The following KDM3B variants were observed in gnomAD, a reference collection of about 807,000 sequenced individuals.
KDM3B encodes lysine demethylase 3B, also known as lysine-specific demethylase 3B.
A neutral mutation model predicts 170.0 loss-of-function variants in KDM3B; 10 were observed. That is an observed-to-expected ratio of 0.06 (90% CI 0.04 to 0.10). KDM3B has a LOEUF of 0.10. Among genes scored for constraint, KDM3B ranks in the 10% least tolerant of loss-of-function variants. KDM3B has a pLI of 1.00. For missense variants in KDM3B, 1,394 were observed against 2,195.2 expected, an observed-to-expected ratio of 0.64 and a Z score of 7.29; for synonymous variants, 831 against 834.8, an observed-to-expected ratio of 1.00 and a Z score of 0.08.
rs1426505639 is a variant in KDM3B, at chr5:138,372,835, A to C, written c.354A>C (p.Pro118=). Residue 118 remains proline, a synonymous_variant, in exon 2 of 24, where the codon CCA becomes CCC. Transcript: ENST00000314358. ...TTCGAGTCTCCATTGCACAATGGCC[A>C]GCCCTGGTGAGTGGCTTTTACTGGG... ...QGIRVSIAQW[P]ALTFTPLVDK... The C allele has an allele frequency of 1.2e-6, 2 of 1,612,340 alleles. No individual in the cohort carries two copies.
chr5:138,382,955 T>G (rs1434551361), intron 6 of KDM3B, among the ~76,000 whole-genome samples: 1 of 152,164 alleles, frequency 6.6e-6, no homozygotes. Context: ...TGCCAGGTAC[T>G]GTTCAGCTGG....
At chr5:138,361,962 T>A (rs1204289814) in intron 1 of KDM3B, among the ~76,000 whole-genome samples, 1 of 152,098 alleles carries the variant, frequency 6.6e-6, no homozygotes, top group Non-Finnish European at 1.5e-5. Flanking sequence ...TGAAGGCACT[T>A]GGGGAGCAGC....
chr5:138,367,214 G>T (rs1350989843), intron 1 of KDM3B, among the ~76,000 whole-genome samples: 1 of 152,074 alleles, frequency 6.6e-6, no homozygotes, highest in Admixed American at 6.6e-5. Flanking sequence ...TCTCTGTTGG[G>T]CTCATCTAGG....
chr5:138,416,387 C>T (rs907988143), intron 12 of KDM3B, among the ~76,000 whole-genome samples: 1 of 151,628 alleles, frequency 6.6e-6, no homozygotes, highest in Non-Finnish European at 1.5e-5. Flanking sequence ...GTCAGGAGTT[C>T]GAGACCAGCC....
intron 9 of KDM3B, 93 bp downstream of exon 9, chr5:138,393,465 C>T: frequency 9.1e-7 from 1 of 1,102,970 alleles, no homozygotes; most frequent in Non-Finnish European, 1.3e-6. Flanking sequence ...GTTTCATCAT[C>T]TTGGTCTTTG....
At position 138,391,904 on chromosome 5, in the gene KDM3B, G is replaced by A; in HGVS notation, c.2272G>A (p.Asp758Asn). 2 of 1,613,696 alleles carry A rather than the reference G, an allele frequency of 1.2e-6. No homozygotes were observed. The highest frequency in any genetic ancestry group is 1.7e-6 in the Non-Finnish European group (2 of 1,179,670). Residue 758 changes from aspartate to asparagine, a missense_variant, in exon 8 of 24, where the codon GAC (aspartate) becomes AAC (asparagine). Transcript: ENST00000314358. The surrounding 1 kb of genome is among the most constrained non-coding windows in gnomAD (Gnocchi z 5.0). ...GCCAACTGTGGGGCCTGGGCAGCAG[G>A]ACAATCCCCTCCTCAAAACCTTTAG... is the stretch of plus-strand genomic sequence containing the variant. The part of the protein sequence containing the change: ...ERPTVGPGQQ[D>N]NPLLKTFSNV...
intron 23 of KDM3B, 38 bp downstream of exon 23, chr5:138,431,597 A>G: frequency 6.5e-7 from 1 of 1,547,516 alleles, no homozygotes; most frequent in Non-Finnish European, 8.7e-7. Flanking sequence ...CTGTCTTCTC[A>G]TTGCATACTC....
Position 138,386,491 on chromosome 5 carries a change from T to C in KDM3B, c.1250T>C (p.Ile417Thr). 2 of 1,614,120 alleles carry C rather than the reference T, an allele frequency of 1.2e-6. No homozygotes were observed. The highest frequency in any genetic ancestry group is 2.2e-5 in the East Asian group (1 of 44,884). The change falls in exon 7 of 24, where the codon ATA (isoleucine) becomes ACA (threonine). Residue 417 changes from isoleucine to threonine, a missense_variant. Coordinates refer to ENST00000314358, the MANE Select transcript of KDM3B (RefSeq NM_016604.4). ...GKTLEQVGQG[I>T]VASAAVVTTA... ...ACACTGGAACAAGTTGGCCAGGGCA[T>C]AGTGGCTTCCGCAGCTGTGGTCACT...
At chr5:138,421,882 G>C (rs12514669) in intron 15 of KDM3B, among the ~76,000 whole-genome samples, 45,297 of 151,864 alleles carry the variant, frequency 0.3, 7,580 homozygotes, top group East Asian at 0.57. Flanking sequence ...TGTTCATCTT[G>C]CTCTCACCTC....
In KDM3B at chr5:138,399,975, T is replaced by A; in HGVS notation, c.3162T>A (p.Leu1054=). The change falls in exon 11 of 24, where the codon CTT becomes CTA. Residue 1054 remains leucine (L), a synonymous_variant. Coordinates refer to ENST00000314358, the MANE Select transcript of KDM3B (RefSeq NM_016604.4). ...VCRKCGFGVC[L]DCYRLRKSRP... is the part of the protein sequence containing the mutation. ...GCAAATGTGGATTTGGGGTCTGCCT[T>A]GACTGTTACCGGCTCAGGAAAAGCC... 3 of 1,614,198 alleles carry A rather than the reference T, an allele frequency of 1.9e-6. No homozygotes were observed. The highest frequency in any genetic ancestry group is 2.5e-6 in the Non-Finnish European group (3 of 1,180,026).
chr5:138,399,072 T>C (rs1762615916), intron 10 of KDM3B, among the ~76,000 whole-genome samples: 1 of 151,210 alleles, frequency 6.6e-6, no homozygotes. Flanking sequence ...GTGTTTTTAG[T>C]AGGGACAGCG....
rs372581712 is a variant in KDM3B, at chr5:138,418,960, G to A, written c.3443G>A (p.Ser1148Asn). ...TGGCCTTCTGCATTTTAGCTTCCTA[G>A]CATAAACCCTAGTGCCTCTTCTGGA... Reference protein sequence around the residue: ...AVTNGMSQLPSINPSASSGNE... With the variant: ...AVTNGMSQLPNINPSASSGNE... Residue 1148 changes from serine (S) to asparagine (N), a missense_variant, in exon 14 of 24, where the codon AGC becomes AAC. Physicochemically the swap from Ser to Asn is conservative, Grantham distance 46. Around this residue, in one of 19 missense-constraint regions of KDM3B, gnomAD observed 14 missense variants for 32.5 expected, o/e 0.43. Transcript: ENST00000314358. The A allele has an allele frequency of 1.2e-4, 197 of 1,613,752 alleles. No individual in the cohort carries two copies. Among genetic ancestry groups the A allele is most frequent in the Non-Finnish European group, 1.6e-4 (186 of 1,179,826 alleles).
chr5:138,354,394 A>G (rs1190692012), intron 1 of KDM3B, among the ~76,000 whole-genome samples: 1 of 152,224 alleles, frequency 6.6e-6, no homozygotes, highest in South Asian at 2.1e-4. Context: ...GGATGGGAAA[A>G]GAAGTGTCCA....
At chr5:138,414,252 G>A (rs986803759) in intron 11 of KDM3B, among the ~76,000 whole-genome samples, 4 of 152,192 alleles carry the variant, frequency 2.6e-5, no homozygotes, top group South Asian at 2.1e-4. Context: ...TGCAAGCTCC[G>A]CCTCCTGGGT....
intron 1 of KDM3B, among the ~76,000 whole-genome samples, chr5:138,364,512 T>G (rs1157732551): frequency 6.6e-6 from 1 of 152,150 alleles, no homozygotes; most frequent in Non-Finnish European, 1.5e-5. Context: ...TTAGGGTTAT[T>G]TATTAGGATT....
chr5:138,424,377 C>G (rs961953928), intron 16 of KDM3B, 36 bp downstream of exon 16: 2 of 1,594,432 alleles, frequency 1.3e-6, no homozygotes, highest in African/African-American at 2.7e-5. Context: ...GGCCAATTCT[C>G]TGCCTGCCTA....
At position 138,424,792 on chromosome 5, in the gene KDM3B, TAATA is replaced by T. The variant is rs1227675282; in HGVS notation, c.4239+462_4239+465del. Among the ~76,000 whole-genome samples the T allele has an allele frequency of 2.2e-4, 34 of 151,972 alleles. 1 individual carries two copies. Among genetic ancestry groups the T allele is most frequent in the African/African-American group, 6.8e-4 (28 of 41,368 alleles). ...AGATTCCACCTCAAAAATAAATAAA[TAATA>T]AATAAATAAAAGCAAGGAGATTACT... On this transcript the variant is annotated intron_variant, in intron 16 of 23. Transcript: ENST00000314358.
At chr5:138,389,048 A>C (rs1357515575) in intron 7 of KDM3B, among the ~76,000 whole-genome samples, 1 of 152,252 alleles carries the variant, frequency 6.6e-6, no homozygotes, top group Non-Finnish European at 1.5e-5. Flanking sequence ...TTTAGGAGTG[A>C]AACATGAGCT....
intron 11 of KDM3B, among the ~76,000 whole-genome samples, chr5:138,413,974 A>G (rs1304988331): frequency 6.6e-6 from 1 of 152,154 alleles, no homozygotes. Flanking sequence ...AATGTTCACC[A>G]GCTGATGAAT....
Sources: gnomAD v4.1 joint callset for allele counts (sites outside exome capture counted in the v4.1 genomes callset) on GRCh38, gnomAD v4.1.1 for gene constraint, gnomAD v4.1.1 regional missense constraint, Gnocchi (gnomAD v3.1) non-coding constraint, MANE v1.5 for transcripts, NCBI Gene and HGNC (gene_info 2026-07-23, HGNC 2026-07-21) for gene names.